The following RGL1 variants were observed in gnomAD, a reference collection of about 807,000 sequenced individuals.
RGL1 encodes the protein ral guanine nucleotide dissociation stimulator-like 1.
RGL1 carries 24 observed loss-of-function variants against 95.2 expected under a neutral mutation model. The ratio of observed to expected loss-of-function variants is 0.25; its 90% CI spans 0.18 to 0.35. The LOEUF (loss-of-function observed/expected upper bound fraction) is 0.35, where lower values mean the gene tolerates loss of function less well. Ranked by LOEUF, RGL1 falls within the 10% of genes least tolerant of loss-of-function variation. The pLI is 1.00. For synonymous variants in RGL1, 329 were observed against 344.9 expected (o/e 0.95, Z 0.51); for missense variants, 715 against 936.3 (o/e 0.76, Z 3.08).
intron 3 of RGL1, among the ~76,000 whole-genome samples, chr1:183,858,119 G>A (rs1012438817): frequency 6.6e-6 from 1 of 151,800 alleles, no homozygotes; most frequent in Admixed American, 6.6e-5. Context: ...TTTAAAGTGT[G>A]CTTAACATTT....
At chr1:183,740,224 C>T (rs1007686795) in intron 1 of RGL1, among the ~76,000 whole-genome samples, 2 of 152,070 alleles carry the variant, frequency 1.3e-5, no homozygotes, top group Admixed American at 6.6e-5. Context: ...GTGTATGTGT[C>T]AGCATCATTT....
intron 1 of RGL1, among the ~76,000 whole-genome samples, chr1:183,669,175 C>T (rs888589913): frequency 6.6e-6 from 1 of 152,066 alleles, no homozygotes; most frequent in Non-Finnish European, 1.5e-5. Flanking sequence ...ATCTCATGAC[C>T]TCGTGATCCA....
At chr1:183,923,787 AC>A in intron 17 of RGL1, among the ~76,000 whole-genome samples, 1 of 152,188 alleles carries the variant, frequency 6.6e-6, no homozygotes, top group Non-Finnish European at 1.5e-5. Context: ...AGCATGGGAC[AC>A]TTTGAGGGGA....
chr1:183,869,587 T>C (rs564632690), intron 4 of RGL1, among the ~76,000 whole-genome samples: 1 of 152,332 alleles, frequency 6.6e-6, no homozygotes, highest in African/African-American at 2.4e-5. Context: ...GTGACCTCTT[T>C]CTTCCTTCCA....
rs545946461 is a variant in RGL1 at position 183,890,613 on chromosome 1, T to C, written c.1056-1464T>C. The stretch of plus-strand genomic sequence containing the variant: ...ATTTGGACATGGTACATCTATACAG[T>C]GGAATATTTTGCAGGCATAAAAGGA... On this transcript the variant is annotated intron_variant, in intron 8 of 17. Transcript: ENST00000360851. Among the ~76,000 whole-genome samples, 51 of 152,266 alleles carry C rather than the reference T, an allele frequency of 3.3e-4. 1 individual carries two copies. The highest frequency in any genetic ancestry group is 1.0e-3 in the African/African-American group (43 of 41,562).
intron 1 of RGL1, among the ~76,000 whole-genome samples, chr1:183,690,262 A>T (rs1352377333): frequency 1.3e-5 from 2 of 152,190 alleles, no homozygotes; most frequent in South Asian, 4.1e-4. Flanking sequence ...CCCTGGAATT[A>T]TTTGCAAAAT....
chr1:183,666,256 C>T (rs1414579887), intron 1 of RGL1, among the ~76,000 whole-genome samples: 1 of 152,018 alleles, frequency 6.6e-6, no homozygotes, highest in Non-Finnish European at 1.5e-5. Flanking sequence ...CCACCCGCCT[C>T]GGCCTCCGAA....
intron 17 of RGL1, among the ~76,000 whole-genome samples, chr1:183,923,455 T>C (rs1269292246): frequency 2.0e-5 from 3 of 152,218 alleles, no homozygotes; most frequent in Non-Finnish European, 2.9e-5. Flanking sequence ...ATTATAATTA[T>C]AATTCTAAGC....
intron 2 of RGL1, among the ~76,000 whole-genome samples, chr1:183,815,842 TCG>T (rs2102441221): frequency 6.6e-6 from 1 of 152,284 alleles, no homozygotes; most frequent in Admixed American, 6.5e-5. Context: ...GGTGGGGCTC[TCG>T]TCAGCACCCC....
intron 2 of RGL1, among the ~76,000 whole-genome samples, chr1:183,778,215 C>T (rs150273458): frequency 1.3e-5 from 2 of 152,268 alleles, no homozygotes; most frequent in African/African-American, 4.8e-5. Context: ...ATGGGTTAAC[C>T]GCCATAAGGC....
chr1:183,861,620 A>G (rs1376204443), intron 3 of RGL1, among the ~76,000 whole-genome samples: 1 of 152,212 alleles, frequency 6.6e-6, no homozygotes, highest in African/African-American at 2.4e-5. Context: ...GATAACAGAG[A>G]AAACCATGTC....
chr1:183,910,267 T>G (rs544786948), intron 14 of RGL1, among the ~76,000 whole-genome samples: 66 of 152,178 alleles, frequency 4.3e-4, no homozygotes, highest in Non-Finnish European at 7.5e-4. Flanking sequence ...TGGGTAATTT[T>G]TTTGTATTTT....
chr1:183,716,336 T>C (rs1334981921), intron 1 of RGL1, among the ~76,000 whole-genome samples: 1 of 152,220 alleles, frequency 6.6e-6, no homozygotes, highest in Non-Finnish European at 1.5e-5. Flanking sequence ...GACTCCAAAA[T>C]TTCTACTGGC....
intron 1 of RGL1, chr1:183,647,992 T>G (rs746341989): frequency 6.2e-7 from 1 of 1,614,166 alleles, no homozygotes; most frequent in South Asian, 1.1e-5. Context: ...AAGGCATTGT[T>G]TAAGGGGTAG....
intron 1 of RGL1, among the ~76,000 whole-genome samples, chr1:183,738,335 C>T (rs950308779): frequency 2.0e-5 from 3 of 151,156 alleles, no homozygotes; most frequent in Admixed American, 6.6e-5. Context: ...GCATGAGAAT[C>T]GCTTGAACCC....
At chr1:183,675,818 G>A (rs1333791600) in intron 1 of RGL1, among the ~76,000 whole-genome samples, 1 of 152,154 alleles carries the variant, frequency 6.6e-6, no homozygotes, top group African/African-American at 2.4e-5. Flanking sequence ...TCAGGGTTGT[G>A]AAATAATTTT....
At chr1:183,847,406 G>C (rs764406450) in intron 2 of RGL1, among the ~76,000 whole-genome samples, 160 bp from the exon 3 acceptor site, 2 of 152,144 alleles carry the variant, frequency 1.3e-5, no homozygotes, top group Non-Finnish European at 2.9e-5. Flanking sequence ...AGTGATCTGT[G>C]ATCACACCAC....
chr1:183,789,225 C>T (rs1192219051), intron 2 of RGL1, among the ~76,000 whole-genome samples: 2 of 152,158 alleles, frequency 1.3e-5, no homozygotes, highest in African/African-American at 2.4e-5. Flanking sequence ...GGGTGGATCA[C>T]CTGAGATCAG....
chr1:183,823,783 A>G (rs1422924857), intron 2 of RGL1, among the ~76,000 whole-genome samples: 1 of 151,978 alleles, frequency 6.6e-6, no homozygotes, highest in East Asian at 1.9e-4. Flanking sequence ...AGTTAGTTTG[A>G]TATGATTTTT....
Sources: allele counts gnomAD v4.1 joint callset (sites outside exome capture counted in the v4.1 genomes callset), GRCh38; gene constraint gnomAD v4.1.1; transcripts MANE v1.5; gene names NCBI Gene and HGNC (gene_info 2026-07-23, HGNC 2026-07-21).